The following CDYL2 variants were observed in gnomAD, a reference collection of about 807,000 sequenced individuals.
CDYL2 encodes chromodomain Y-like protein 2.
Under a neutral mutation model 49.4 loss-of-function variants are expected in CDYL2, and 23 were observed. The ratio of observed to expected loss-of-function variants is 0.47; its 90% CI spans 0.34 to 0.66. The LOEUF is 0.66. CDYL2 is among the 30% of genes least tolerant of loss of function. The pLI, the probability that CDYL2 is intolerant of heterozygous loss-of-function variation, is 0.01. For missense variants in CDYL2, 678 were observed against 656.4 expected (o/e 1.03, Z -0.36); for synonymous variants, 360 against 268.8 (o/e 1.34, Z -3.32).
chr16:80,641,521 T>A (rs1180355844), intron 2 of CDYL2, among the ~76,000 whole-genome samples: 3 of 151,646 alleles, frequency 2.0e-5, no homozygotes, highest in Admixed American at 2.0e-4. Context: ...AAGAAAAGGA[T>A]GTTAAGAAAA....
At position 80,782,295 on chromosome 16, in the gene CDYL2, G is replaced by C. The variant is rs116773589; in HGVS notation, c.24+21855C>G. On this transcript the variant is annotated intron_variant, in intron 1 of 6. Transcript: ENST00000570137. ...AAACAAGCAAAACAGACTCAAAAATGAATAGAAAATCTGAATAGATCTGTA... is the reference window on the plus strand; with the variant it reads ...AAACAAGCAAAACAGACTCAAAAATCAATAGAAAATCTGAATAGATCTGTA... 5.1e-3 allele frequency among the ~76,000 whole-genome samples: 780 copies of C among 151,756 alleles called. 2 individuals carry two copies. The highest frequency in any genetic ancestry group is 0.015 in the African/African-American group (636 of 41,458).
chr16:80,609,673 G>A (rs546782824), intron 5 of CDYL2, among the ~76,000 whole-genome samples: 1 of 152,286 alleles, frequency 6.6e-6, no homozygotes, highest in African/African-American at 2.4e-5. Flanking sequence ...TCCCTGGCAG[G>A]TGTGAGTTAC....
intron 4 of CDYL2, among the ~76,000 whole-genome samples, chr16:80,618,501 G>A (rs1264741287): frequency 1.3e-5 from 2 of 152,206 alleles, no homozygotes. Flanking sequence ...CCTCACCAGA[G>A]AGACTGGGCG....
intron 2 of CDYL2, among the ~76,000 whole-genome samples, chr16:80,645,944 T>C (rs886824096): frequency 1.6e-5 from 2 of 127,792 alleles, no homozygotes; most frequent in Admixed American, 2.0e-4. Flanking sequence ...ATGAGAACAC[T>C]TGGACACAGG....
At chr16:80,737,188 G>C (rs779786845) in intron 1 of CDYL2, among the ~76,000 whole-genome samples, 2 of 152,138 alleles carry the variant, frequency 1.3e-5, no homozygotes, top group Non-Finnish European at 2.9e-5. Flanking sequence ...CTACCAGTGT[G>C]TAAGTACCCC....
intron 2 of CDYL2, among the ~76,000 whole-genome samples, chr16:80,683,836 C>T (rs144412224): frequency 3.3e-5 from 5 of 152,304 alleles, no homozygotes; most frequent in Admixed American, 1.3e-4. Flanking sequence ...GGCCCTCACC[C>T]GATGCAGCAT....
At chr16:80,716,244 C>T (rs1904794621) in intron 1 of CDYL2, among the ~76,000 whole-genome samples, 1 of 152,262 alleles carries the variant, frequency 6.6e-6, no homozygotes, top group Non-Finnish European at 1.5e-5. Context: ...TATGCTATTT[C>T]CTTCCAAGTA....
intron 1 of CDYL2, among the ~76,000 whole-genome samples, chr16:80,769,055 A>G (rs1906820441): frequency 6.6e-6 from 1 of 152,170 alleles, no homozygotes; most frequent in Non-Finnish European, 1.5e-5. Flanking sequence ...TATGGAATAG[A>G]ATGGCCTTCA....
chr16:80,769,579 A>G (rs1173295459), intron 1 of CDYL2, among the ~76,000 whole-genome samples: 2 of 152,220 alleles, frequency 1.3e-5, no homozygotes, highest in Non-Finnish European at 2.9e-5. Flanking sequence ...AGGAACCTTC[A>G]GCAGACAATG....
chr16:80,650,926 G>A (rs777415688), intron 2 of CDYL2, among the ~76,000 whole-genome samples: 4 of 133,534 alleles, frequency 3.0e-5, no homozygotes, highest in Non-Finnish European at 6.2e-5. Context: ...CAAAACAATT[G>A]AGCTCATAGA....
At chr16:80,793,874 C>G (rs890152592) in intron 1 of CDYL2, among the ~76,000 whole-genome samples, 1 of 152,070 alleles carries the variant, frequency 6.6e-6, no homozygotes, top group Non-Finnish European at 1.5e-5. Flanking sequence ...TTTAATGAGG[C>G]CCAAAGATGT....
At chr16:80,644,975 T>C (rs541697752) in intron 2 of CDYL2, among the ~76,000 whole-genome samples, 1 of 152,110 alleles carries the variant, frequency 6.6e-6, no homozygotes, top group Non-Finnish European at 1.5e-5. Context: ...TTACACCTTA[T>C]ACAAAAATTA....
intron 2 of CDYL2, among the ~76,000 whole-genome samples, chr16:80,641,171 A>G (rs116533450): frequency 6.6e-6 from 1 of 152,186 alleles, no homozygotes; most frequent in African/African-American, 2.4e-5. Flanking sequence ...TCAAACTCCC[A>G]AAGCTCAAGG....
chr16:80,633,997 A>G (rs1363494373), intron 2 of CDYL2, among the ~76,000 whole-genome samples: 1 of 152,166 alleles, frequency 6.6e-6, no homozygotes, highest in Admixed American at 6.5e-5. Context: ...AGGCCAAGCC[A>G]ACACCCCCAA....
intron 2 of CDYL2, among the ~76,000 whole-genome samples, chr16:80,673,584 G>A (rs60505193): frequency 0.022 from 3,292 of 152,142 alleles, 50 homozygotes; most frequent in Middle Eastern, 0.034. Flanking sequence ...TAATCTAGAC[G>A]ACAAAATTAA....
chr16:80,730,291 A>T (rs1044627052), intron 1 of CDYL2, among the ~76,000 whole-genome samples: 5 of 152,316 alleles, frequency 3.3e-5, no homozygotes, highest in Non-Finnish European at 5.9e-5. Flanking sequence ...TCCCACAGAA[A>T]TACAAACTGC....
At chr16:80,725,326 G>A (rs1464860650) in intron 1 of CDYL2, among the ~76,000 whole-genome samples, 4 of 152,086 alleles carry the variant, frequency 2.6e-5, no homozygotes, top group East Asian at 1.9e-4. Context: ...TTGGAGACCC[G>A]CATATTTGAG....
chr16:80,669,224 C>T (rs1012068327), intron 2 of CDYL2, among the ~76,000 whole-genome samples: 2 of 151,880 alleles, frequency 1.3e-5, no homozygotes, highest in Non-Finnish European at 2.9e-5. Flanking sequence ...AATGGGAAGA[C>T]GACAGGCCAA....
intron 1 of CDYL2, among the ~76,000 whole-genome samples, chr16:80,687,541 AATAG>A (rs1019177783): frequency 8.6e-5 from 13 of 151,832 alleles, no homozygotes; most frequent in South Asian, 2.1e-4. Flanking sequence ...TAAATAAATG[AATAG>A]ATGGATGGAT....
Sources: gnomAD v4.1 joint callset for allele counts (sites outside exome capture counted in the v4.1 genomes callset) on GRCh38, gnomAD v4.1.1 for gene constraint, MANE v1.5 for transcripts, NCBI Gene and HGNC (gene_info 2026-07-23, HGNC 2026-07-21) for gene names.